Variants in HHAT observed in about 807,000 individuals in gnomAD.
The protein encoded by HHAT is hedgehog acyltransferase.
In HHAT, 47 loss-of-function variants were observed where a neutral mutation model predicts 70.8. The observed-to-expected ratio is 0.66, with a 90% CI of 0.53 to 0.85. The LOEUF is 0.85. Ranked by LOEUF, HHAT falls within the 40% of genes least tolerant of loss-of-function variation. The pLI is 0.00. For synonymous variants in HHAT, 228 were observed against 247.6 expected (o/e 0.92, Z 0.74); for missense variants, 609 against 604.8 (o/e 1.01, Z -0.07).
chr1:210,625,269 A>G (rs1340017732), intron 11 of HHAT, among the ~76,000 whole-genome samples: 1 of 152,220 alleles, frequency 6.6e-6, no homozygotes, highest in African/African-American at 2.4e-5. Flanking sequence ...AGCATCCTTT[A>G]CTTTTCTTGG....
At chr1:210,620,823 AT>A (rs1476431201) in intron 10 of HHAT, among the ~76,000 whole-genome samples, 3 of 151,374 alleles carry the variant, frequency 2.0e-5, no homozygotes, top group Non-Finnish European at 2.9e-5. Context: ...TTCATTTCAG[AT>A]TTTAGTTGCC....
At chr1:210,481,598 G>T (rs1186443380) in intron 8 of HHAT, among the ~76,000 whole-genome samples, 1 of 152,318 alleles carries the variant, frequency 6.6e-6, no homozygotes, top group South Asian at 2.1e-4. Context: ...GCATGGAGGT[G>T]GCATGGGCCT....
chr1:210,372,226 A>C (rs2089632383), intron 3 of HHAT, among the ~76,000 whole-genome samples: 1 of 152,132 alleles, frequency 6.6e-6, no homozygotes. Context: ...CATATGTATG[A>C]TTGTCCCTAG....
At chr1:210,491,908 G>A (rs7553883) in intron 8 of HHAT, among the ~76,000 whole-genome samples, 4,537 of 152,086 alleles carry the variant, frequency 0.03, 79 homozygotes, top group Middle Eastern at 0.037. Flanking sequence ...GACTATAGAT[G>A]CACACCACCA....
chr1:210,519,527 C>CA (rs2095116598), intron 9 of HHAT, among the ~76,000 whole-genome samples: 1 of 127,474 alleles, frequency 7.8e-6, no homozygotes, highest in African/African-American at 2.8e-5. Flanking sequence ...ATTTTCTTTG[C>CA]TTTTTTTTTT....
intron 11 of HHAT, chr1:210,630,952 G>T (rs1352681599): frequency 2.3e-6 from 1 of 431,244 alleles, no homozygotes; most frequent in Non-Finnish European, 4.6e-6. Context: ...CCCCTAGATC[G>T]AGGAATGCCT....
chr1:210,603,901 A>G (rs1161015494), intron 10 of HHAT, among the ~76,000 whole-genome samples: 1 of 152,150 alleles, frequency 6.6e-6, no homozygotes, highest in Non-Finnish European at 1.5e-5. Context: ...TTGAAACACA[A>G]TTTAAGTTGG....
chr1:210,616,575 CAT>C (rs1187111635), intron 10 of HHAT, among the ~76,000 whole-genome samples: 7 of 152,124 alleles, frequency 4.6e-5, no homozygotes, highest in African/African-American at 1.7e-4. Context: ...ACATGCACGA[CAT>C]ATTTGTTGAA....
At chr1:210,378,154 T>A (rs1395130462) in intron 3 of HHAT, among the ~76,000 whole-genome samples, 1 of 152,218 alleles carries the variant, frequency 6.6e-6, no homozygotes, top group Non-Finnish European at 1.5e-5. Context: ...TGTGCAGAAT[T>A]CTTACAAAAT....
chr1:210,467,388 T>A (rs1274514550), intron 8 of HHAT, among the ~76,000 whole-genome samples: 2 of 152,242 alleles, frequency 1.3e-5, no homozygotes, highest in African/African-American at 4.8e-5. Flanking sequence ...GTTCAGTATC[T>A]GGTGGCATAA....
intron 7 of HHAT, among the ~76,000 whole-genome samples, chr1:210,443,423 A>C (rs1299960886): frequency 1.3e-5 from 2 of 148,328 alleles, no homozygotes; most frequent in Non-Finnish European, 3.0e-5. Context: ...TGAATCTGTA[A>C]ATTACCTTGG....
chr1:210,428,151 A>G (rs2093125950), intron 7 of HHAT, among the ~76,000 whole-genome samples: 1 of 150,578 alleles, frequency 6.6e-6, no homozygotes, highest in Non-Finnish European at 1.5e-5. Flanking sequence ...GTCCATCCAC[A>G]GTTTTACAAT....
At position 210,674,693 on chromosome 1, in the gene HHAT, A is replaced by G. The variant is rs377483738; in HGVS notation, c.*314A>G. The G allele has an allele frequency of 7.6e-5, 20 of 264,218 alleles. No homozygotes were observed. The highest frequency in any genetic ancestry group is 5.0e-4 in the East Asian group (7 of 13,896). The allele number at this position is 264,218 out of a possible 1,614,324, so 16.4% of individuals were successfully genotyped here. A position where few individuals can be genotyped will look rare whatever the true frequency, so the allele number is the denominator to read the frequency against. ...GAACCTAGTCTCATGAGCCCTTTGCATTCTTTCCCCTTAAGCAAGAATAGA... is the reference window on the plus strand; with the variant it reads ...GAACCTAGTCTCATGAGCCCTTTGCGTTCTTTCCCCTTAAGCAAGAATAGA... On this transcript the variant is annotated 3_prime_UTR_variant, in exon 12 of 12. Coordinates refer to ENST00000261458, the MANE Select transcript of HHAT (RefSeq NM_018194.6).
At chr1:210,424,626 G>A (rs150756412) in intron 7 of HHAT, among the ~76,000 whole-genome samples, 2 of 151,224 alleles carry the variant, frequency 1.3e-5, no homozygotes, top group East Asian at 2.0e-4. Flanking sequence ...CCCAGTGCAT[G>A]TTGTTCCCTT....
intron 8 of HHAT, among the ~76,000 whole-genome samples, chr1:210,506,071 A>G (rs1471315056): frequency 6.6e-6 from 1 of 152,206 alleles, no homozygotes; most frequent in Admixed American, 6.5e-5. Flanking sequence ...CCGTCAAAGA[A>G]GCAGTTCTAA....
At position 210,386,237 on chromosome 1, in the gene HHAT, T is replaced by TTTC. The variant is rs1572067864; in HGVS notation, c.160-1229_160-1228insCTT. Reference sequence around the variant, plus strand: ...GAGTCCTTTTCTTTTTTTCTTTTTTTTTTTTTTTTTTTTTTTTTTGAGACA... The same window carrying TTTC: ...GAGTCCTTTTCTTTTTTTCTTTTTTTTTCTTTTTTTTTTTTTTTTTTTGAGACA... On this transcript the variant is annotated intron_variant, in intron 3 of 11. Transcript: ENST00000261458. 1.0e-4 allele frequency among the ~76,000 whole-genome samples: 10 copies of TTTC among 98,650 alleles called. 1 individual carries two copies. In the South Asian group the frequency reaches 3.1e-3, roughly 30 times the overall value. 64.7% of individuals were successfully genotyped at this position (98,650 alleles called of 152,430 possible). A position where few individuals can be genotyped will look rare whatever the true frequency, so the allele number is the denominator to read the frequency against.
At chr1:210,564,344 A>G (rs2095650536) in intron 9 of HHAT, among the ~76,000 whole-genome samples, 1 of 152,140 alleles carries the variant, frequency 6.6e-6, no homozygotes, top group African/African-American at 2.4e-5. Flanking sequence ...GTGGTTGCTG[A>G]TACTTTTAGA....
intron 11 of HHAT, among the ~76,000 whole-genome samples, chr1:210,642,443 G>A (rs10779542): frequency 0.47 from 71,613 of 151,994 alleles, 17,744 homozygotes; most frequent in South Asian, 0.58. Context: ...CAGTTTTCCA[G>A]TGGGGTTGCA....
chr1:210,381,984 C>T (rs540129851), intron 3 of HHAT, among the ~76,000 whole-genome samples: 3 of 152,244 alleles, frequency 2.0e-5, no homozygotes, highest in South Asian at 2.1e-4. Context: ...GAGAATAGTC[C>T]TCAGTTTTCT....
Sources: gnomAD v4.1 joint callset for allele counts (sites outside exome capture counted in the v4.1 genomes callset) on GRCh38, gnomAD v4.1.1 for gene constraint, MANE v1.5 for transcripts, NCBI Gene and HGNC (gene_info 2026-07-23, HGNC 2026-07-21) for gene names.